Variants in MZT2A observed in about 807,000 individuals in gnomAD.
The protein encoded by MZT2A is mitotic-spindle organizing protein 2A.
In MZT2A, 8 loss-of-function variants were observed where a neutral mutation model predicts 12.4. The observed-to-expected ratio is 0.64, with a 90% CI of 0.38 to 1.16. The LOEUF is 1.16. Among genes scored for constraint, MZT2A ranks in the 50% most tolerant of loss-of-function variants. The probability of loss-of-function intolerance (pLI) is 0.01; values close to 1 mark genes in which losing one functional copy is unlikely to be tolerated. For synonymous variants in MZT2A, 88 were observed against 107.5 expected (o/e 0.82, Z 1.12); for missense variants, 181 against 223.6 (o/e 0.81, Z 1.22).
At chr2:131,474,354 C>T (rs1028891219) in intron 2 of MZT2A, among the ~76,000 whole-genome samples, 1 of 151,422 alleles carries the variant, frequency 6.6e-6, no homozygotes, top group Admixed American at 6.6e-5. Flanking sequence ...GCCTTGGCCT[C>T]CCTAAGTGCT....
chr2:131,471,876 C>T (rs751214741), intron 3 of MZT2A, among the ~76,000 whole-genome samples: 7 of 152,222 alleles, frequency 4.6e-5, no homozygotes, highest in Non-Finnish European at 8.8e-5. Context: ...GCCCAGCTAG[C>T]TGACATGGGC....
At chr2:131,492,142 G>A in intron 1 of MZT2A, 65 bp downstream of exon 1, 18 of 1,539,038 alleles carry the variant, frequency 1.2e-5, no homozygotes, top group Non-Finnish European at 1.5e-5. Context: ...AGCGGGCCGG[G>A]CGTACCCGGA....
intron 2 of MZT2A, among the ~76,000 whole-genome samples, chr2:131,477,730 C>T (rs1678721545): frequency 6.6e-6 from 1 of 151,540 alleles, no homozygotes; most frequent in African/African-American, 2.4e-5. Context: ...AGAGGACACA[C>T]ACTGAGCACC....
Position 131,484,177 on chromosome 2 carries a change from G to C in MZT2A, c.361C>G (p.Leu121Val). The C allele has an allele frequency of 3.7e-6, 6 of 1,614,088 alleles. No individual in the cohort carries two copies. Among genetic ancestry groups the C allele is most frequent in the Non-Finnish European group, 5.1e-6 (6 of 1,179,974 alleles). The change falls in exon 3 of 3, where the codon CTG (leucine) becomes GTG (valine). Residue 121 changes from leucine (L) to valine (V), a missense_variant. This residue lies in a region of MZT2A where 72 missense variants were observed against 76.9 expected (regional missense o/e 0.94). Transcript: ENST00000309451. ...GSAALGGVLA[L>V]AERSNHEGSS... ...CCCTCGTGGTTGCTGCGTTCCGCCAGGGCCAATACTCCCCCGAGGGCAGCG... is the reference window on the plus strand; with the variant it reads ...CCCTCGTGGTTGCTGCGTTCCGCCACGGCCAATACTCCCCCGAGGGCAGCG...
chr2:131,479,324 G>A, downstream of MZT2A: 3 of 1,613,996 alleles, frequency 1.9e-6, no homozygotes, highest in Non-Finnish European at 2.5e-6. Context: ...TGCGCACAGG[G>A]ACCTACAGGC....
chr2:131,490,931 C>T (rs1319357717), intron 2 of MZT2A: 8 of 1,549,522 alleles, frequency 5.2e-6, no homozygotes, highest in East Asian at 2.4e-5. Flanking sequence ...GCAGACAGAG[C>T]GAGGGTCAGT....
At chr2:131,493,209 G>A (rs1679422691), upstream of MZT2A, 1 of 1,375,878 alleles carries the variant, frequency 7.3e-7, no homozygotes, top group Non-Finnish European at 9.4e-7. Context: ...CCCTGCGGAG[G>A]CCATCTCCGT....
intron 3 of MZT2A, among the ~76,000 whole-genome samples, chr2:131,471,142 A>G (rs1704974079): frequency 7.2e-6 from 1 of 138,814 alleles, no homozygotes; most frequent in Admixed American, 6.7e-5. Context: ...CGGCTCCCAC[A>G]TGGGGAGAAA....
At position 131,484,168 on chromosome 2, in the gene MZT2A, G is replaced by A. The variant is rs377259626; in HGVS notation, c.370C>T (p.Arg124Cys). 1.5e-5 allele frequency: 25 copies of A among 1,613,964 alleles called. No homozygotes were observed. Among genetic ancestry groups the A allele is most frequent in the East Asian group, 8.9e-5 (4 of 44,888 alleles). ...TGGCTGGATCCCTCGTGGTTGCTGC[G>A]TTCCGCCAGGGCCAATACTCCCCCG... ...ALGGVLALAE[R>C]SNHEGSSQRM... is the part of the protein sequence containing the mutation. Residue 124 changes from arginine (R) to cysteine (C), a missense_variant, in exon 3 of 3, where the codon CGC (arginine) becomes TGC (cysteine). Arg to Cys is a radical substitution (Grantham distance 180). Transcript: ENST00000309451.
chr2:131,472,413 G>A (rs1017718380), intron 2 of MZT2A, among the ~76,000 whole-genome samples: 20 of 152,262 alleles, frequency 1.3e-4, no homozygotes, highest in Non-Finnish European at 2.5e-4. Context: ...CATGTCCAAG[G>A]CTCAATTTTT....
chr2:131,482,761 CGAGGACCTGGCAGCTCT>C (rs1678904942), downstream of MZT2A: 1 of 1,424,452 alleles, frequency 7.0e-7, no homozygotes, highest in African/African-American at 1.4e-5. Context: ...CTGAGGCCCG[CGAGGACCTGGCAGCTCT>C]AGAGAAGGAT....
At chr2:131,485,762 G>T (rs1370619211) in intron 2 of MZT2A, among the ~76,000 whole-genome samples, 2 of 152,024 alleles carry the variant, frequency 1.3e-5, no homozygotes, top group African/African-American at 4.8e-5. Flanking sequence ...CCCTGCAAAG[G>T]GAAACTGGAT....
Position 131,490,898 on chromosome 2 carries a change from G to A in MZT2A, c.319+978C>T, listed in dbSNP as rs376463162. The A allele has an allele frequency of 1.3e-4, 209 of 1,549,922 alleles. No homozygotes were observed. In the African/African-American group the frequency reaches 1.8e-3, roughly 13 times the overall value. ...GGCAGAGAGAAAGGAGGCCTCTGGA[G>A]GTCAGAGAGAGACACAAAGAGAGCA... On this transcript the variant is annotated intron_variant, in intron 2 of 2. Coordinates refer to ENST00000309451, the MANE Select transcript of MZT2A (RefSeq NM_001085365.2).
chr2:131,484,130 G>C lies in MZT2A; in HGVS notation c.408C>G (p.Arg136=). Residue 136 remains arginine (R), a synonymous_variant, in exon 3 of 3, where the codon CGC becomes CGG. Transcript: ENST00000309451. ...TGGGCAGCCTGGTAGCGCTGGGCTG[G>C]CGTGGCATCCTCTGGCTGGATCCCT... ...NHEGSSQRMP[R]QPSATRLPKG... The C allele has an allele frequency of 1.2e-6, 2 of 1,614,110 alleles. No individual in the cohort carries two copies. The highest frequency in any genetic ancestry group is 1.7e-6 in the Non-Finnish European group (2 of 1,180,012).
downstream of MZT2A, among the ~76,000 whole-genome samples, chr2:131,481,227 G>T (rs16856655): frequency 0.17 from 25,906 of 151,696 alleles, 4,053 homozygotes; most frequent in African/African-American, 0.42. Context: ...TGAACTCTCT[G>T]TCTGAGTCAT....
chr2:131,482,117 CT>C (rs1439832600), downstream of MZT2A, among the ~76,000 whole-genome samples: 1 of 152,194 alleles, frequency 6.6e-6, no homozygotes, highest in African/African-American at 2.4e-5. Context: ...TCCACAGTGG[CT>C]TGTTCTGTGG....
At chr2:131,477,092 C>T (rs1678700648) in intron 2 of MZT2A, among the ~76,000 whole-genome samples, 2 of 150,846 alleles carry the variant, frequency 1.3e-5, no homozygotes, top group Admixed American at 6.6e-5. Context: ...GGCTGGAGCA[C>T]AGTTGCAGGA....
At chr2:131,480,679 A>G (rs772034808), downstream of MZT2A, 4 of 1,613,872 alleles carry the variant, frequency 2.5e-6, no homozygotes, top group Admixed American at 3.3e-5. Context: ...AAAGACGTCA[A>G]CGCGGCCATC....
In MZT2A at chr2:131,484,195, G is replaced by A. The variant is rs1206991045; in HGVS notation, c.343C>T (p.Leu115Phe). The A allele has an allele frequency of 1.2e-6, 2 of 1,613,882 alleles. No homozygotes were observed. Among genetic ancestry groups the A allele is most frequent in the East Asian group, 4.5e-5 (2 of 44,882 alleles). Residue 115 changes from leucine to phenylalanine, a missense_variant, in exon 3 of 3, where the codon CTC becomes TTC. Around this residue, in one of 3 missense-constraint regions of MZT2A, gnomAD observed 72 missense variants for 76.9 expected, o/e 0.94. Coordinates refer to ENST00000309451, the MANE Select transcript of MZT2A (RefSeq NM_001085365.2). ...TCCGCCAGGGCCAATACTCCCCCGA[G>A]GGCAGCGCTGCCTTTGTCTCTCCCT... ...TRGRDKGSAA[L>F]GGVLALAERS...
Sources: gnomAD v4.1 joint callset for allele counts (sites outside exome capture counted in the v4.1 genomes callset) on GRCh38, gnomAD v4.1.1 for gene constraint, gnomAD v4.1.1 regional missense constraint, MANE v1.5 for transcripts, NCBI Gene and HGNC (gene_info 2026-07-23, HGNC 2026-07-21) for gene names.